Variants in KCNH7 observed in about 807,000 individuals in gnomAD.
KCNH7 encodes the protein voltage-gated inwardly rectifying potassium channel KCNH7.
KCNH7 carries 49 observed loss-of-function variants against 120.8 expected under a neutral mutation model. The ratio of observed to expected loss-of-function variants is 0.41; its 90% CI spans 0.32 to 0.51. KCNH7 has a LOEUF of 0.51. Ranked by LOEUF, KCNH7 falls within the 20% of genes least tolerant of loss-of-function variation. The pLI is 0.38. For synonymous variants in KCNH7, 547 were observed against 516.1 expected (o/e 1.06, Z -0.81); for missense variants, 1,097 against 1,446.6 (o/e 0.76, Z 3.92).
At chr2:162,811,110 G>T (rs1298295404) in intron 2 of KCNH7, among the ~76,000 whole-genome samples, 1 of 152,024 alleles carries the variant, frequency 6.6e-6, no homozygotes, top group Non-Finnish European at 1.5e-5. Context: ...ATAGATGCTG[G>T]TCTTATGTCC....
intron 2 of KCNH7, among the ~76,000 whole-genome samples, chr2:162,567,686 G>T (rs1300757654): frequency 6.6e-6 from 1 of 151,950 alleles, no homozygotes; most frequent in Non-Finnish European, 1.5e-5. Context: ...CTAGAATAGT[G>T]CCTGGCACAC....
chr2:162,575,237 T>C (rs1693630608), intron 2 of KCNH7, among the ~76,000 whole-genome samples: 1 of 152,040 alleles, frequency 6.6e-6, no homozygotes, highest in South Asian at 2.1e-4. Context: ...GCTGCTAGTT[T>C]GACCCTGACC....
At chr2:162,615,029 T>A (rs1323929922) in intron 2 of KCNH7, among the ~76,000 whole-genome samples, 2 of 152,194 alleles carry the variant, frequency 1.3e-5, no homozygotes, top group Non-Finnish European at 2.9e-5. Context: ...ATCGTTCAGA[T>A]CTGCCATTCT....
At chr2:162,405,328 G>A (rs749299025) in intron 9 of KCNH7, among the ~76,000 whole-genome samples, 21 of 151,936 alleles carry the variant, frequency 1.4e-4, no homozygotes, top group Non-Finnish European at 2.4e-4. Flanking sequence ...CTGTAGTTAA[G>A]TATTTGAGGA....
At chr2:162,817,948 A>G (rs1684974068) in intron 2 of KCNH7, among the ~76,000 whole-genome samples, 1 of 152,114 alleles carries the variant, frequency 6.6e-6, no homozygotes, top group African/African-American at 2.4e-5. Context: ...TATTTAATAT[A>G]TATGTACATA....
At chr2:162,734,640 G>A (rs1687838299) in intron 2 of KCNH7, among the ~76,000 whole-genome samples, 2 of 152,002 alleles carry the variant, frequency 1.3e-5, no homozygotes, top group South Asian at 2.1e-4. Context: ...CAAAAATTGA[G>A]TGTTTTGTGT....
intron 2 of KCNH7, among the ~76,000 whole-genome samples, chr2:162,836,271 A>G (rs555989694): frequency 2.5e-4 from 38 of 152,298 alleles, no homozygotes; most frequent in Non-Finnish European, 5.1e-4. Flanking sequence ...AGAAAGGAGC[A>G]TCTAAGACTG....
intron 2 of KCNH7, among the ~76,000 whole-genome samples, chr2:162,783,459 T>C (rs1683579755): frequency 6.6e-6 from 1 of 152,210 alleles, no homozygotes; most frequent in African/African-American, 2.4e-5. Flanking sequence ...TTGTAGGACA[T>C]GTTTGGCTCA....
At chr2:162,387,920 C>T (rs1049901652) in intron 12 of KCNH7, among the ~76,000 whole-genome samples, 11 of 151,664 alleles carry the variant, frequency 7.3e-5, no homozygotes, top group East Asian at 5.8e-4. Flanking sequence ...TTCTATTTGT[C>T]GAACCCAACA....
chr2:162,552,633 G>A (rs1266795261), intron 2 of KCNH7, among the ~76,000 whole-genome samples: 4 of 152,180 alleles, frequency 2.6e-5, no homozygotes. Context: ...GTGCTTACTA[G>A]AATCACAGGA....
At chr2:162,775,438 TG>T (rs1683199856) in intron 2 of KCNH7, among the ~76,000 whole-genome samples, 1 of 152,150 alleles carries the variant, frequency 6.6e-6, no homozygotes, top group Non-Finnish European at 1.5e-5. Context: ...ATTGATGAGT[TG>T]TGGTTTGGGG....
At chr2:162,416,477 C>A (rs910573076) in intron 9 of KCNH7, among the ~76,000 whole-genome samples, 1 of 152,030 alleles carries the variant, frequency 6.6e-6, no homozygotes, top group African/African-American at 2.4e-5. Context: ...TCCTAGCACT[C>A]ACACCTTGCA....
intron 6 of KCNH7, among the ~76,000 whole-genome samples, chr2:162,449,922 C>T (rs908910875): frequency 2.6e-5 from 4 of 152,060 alleles, no homozygotes; most frequent in Non-Finnish European, 4.4e-5. Context: ...TTCAAACTCT[C>T]ATTACTAACT....
At chr2:162,563,043 G>C (rs751400242) in intron 2 of KCNH7, among the ~76,000 whole-genome samples, 12 of 151,796 alleles carry the variant, frequency 7.9e-5, no homozygotes, top group Non-Finnish European at 1.5e-4. Flanking sequence ...CTTTTCATAG[G>C]GTAATTATTT....
intron 6 of KCNH7, among the ~76,000 whole-genome samples, chr2:162,454,862 A>G (rs973173815): frequency 6.6e-6 from 1 of 152,116 alleles, no homozygotes; most frequent in Non-Finnish European, 1.5e-5. Context: ...TTTTCTAAAT[A>G]TAGAATCATG....
In KCNH7 at chr2:162,838,614, C is replaced by T; in HGVS notation, c.-96G>A. On this transcript the variant is annotated 5_prime_UTR_variant, in exon 1 of 16. Transcript: ENST00000332142. ...AGCCCAGGCCAGCGCGCGAGCCGCT[C>T]TTTGTGGCAGAGCATCCTCTTTTGA... 1.1e-6 allele frequency: 1 copy of T among 943,354 alleles called. No homozygotes were observed. The highest frequency in any genetic ancestry group is 1.6e-6 in the Non-Finnish European group (1 of 613,604). The allele number at this position is 943,354 out of a possible 1,614,324, so 58.4% of individuals were successfully genotyped here.
In KCNH7 at chr2:162,746,973, T is replaced by G. The variant is rs1007780962; in HGVS notation, c.307+89564A>C. On this transcript the variant is annotated intron_variant, in intron 2 of 15. Transcript: ENST00000332142. ...TGATAATTAAAAATCTAGATTTTTATGTCCACATGAAAGTGATAAAGGAGT... is the reference window on the plus strand; with the variant it reads ...TGATAATTAAAAATCTAGATTTTTAGGTCCACATGAAAGTGATAAAGGAGT... Among the ~76,000 whole-genome samples, 5 of 152,124 alleles carry G rather than the reference T, an allele frequency of 3.3e-5. No homozygotes were observed. In the South Asian group the frequency reaches 1.0e-3, roughly 31 times the overall value.
intron 2 of KCNH7, among the ~76,000 whole-genome samples, chr2:162,544,638 T>G (rs969500789): frequency 6.6e-6 from 1 of 152,136 alleles, no homozygotes; most frequent in African/African-American, 2.4e-5. Flanking sequence ...TAAGATATTT[T>G]TTATGTTTTA....
intron 8 of KCNH7, among the ~76,000 whole-genome samples, chr2:162,430,442 G>A (rs1688025137): frequency 6.6e-6 from 1 of 152,018 alleles, no homozygotes; most frequent in Non-Finnish European, 1.5e-5. Flanking sequence ...GCAAATTGCA[G>A]CACCTTAGTC....
Sources: allele counts gnomAD v4.1 joint callset (sites outside exome capture counted in the v4.1 genomes callset), GRCh38; gene constraint gnomAD v4.1.1; transcripts MANE v1.5; gene names NCBI Gene and HGNC (gene_info 2026-07-23, HGNC 2026-07-21).